The following PROM1 variants were observed in gnomAD, a reference collection of about 807,000 sequenced individuals.
PROM1 encodes prominin-1.
In PROM1, 105 loss-of-function variants were observed where a neutral mutation model predicts 116.9. The observed-to-expected ratio is 0.90, with a 90% CI of 0.77 to 1.06. The LOEUF (loss-of-function observed/expected upper bound fraction) is 1.06, where lower values mean the gene tolerates loss of function less well. Ranked by LOEUF, PROM1 falls within the 50% of genes least tolerant of loss-of-function variation. The probability of loss-of-function intolerance (pLI) is 0.00; values close to 1 mark genes in which losing one functional copy is unlikely to be tolerated. For synonymous variants in PROM1, 393 were observed against 387.0 expected, an observed-to-expected ratio of 1.02 and a Z score of -0.18; for missense variants, 1,122 against 1,045.2, an observed-to-expected ratio of 1.07 and a Z score of -1.01.
chr4:16,066,415 A>G (rs981548095), intron 2 of PROM1, among the ~76,000 whole-genome samples: 4 of 152,234 alleles, frequency 2.6e-5, no homozygotes, highest in East Asian at 1.9e-4. Flanking sequence ...AGGTACTATT[A>G]TTATCATTTC....
intron 2 of PROM1, among the ~76,000 whole-genome samples, chr4:16,046,940 G>A (rs1736687575): frequency 6.6e-6 from 1 of 152,192 alleles, no homozygotes; most frequent in Non-Finnish European, 1.5e-5. Context: ...CCCAAACACT[G>A]GGAATAACTG....
chr4:16,021,524 T>G (rs984995710), intron 8 of PROM1, among the ~76,000 whole-genome samples: 16 of 152,200 alleles, frequency 1.1e-4, no homozygotes, highest in African/African-American at 3.4e-4. Context: ...TACAACCCAG[T>G]TAATATGTTA....
At chr4:16,079,088 GGT>G (rs1027321354) in intron 1 of PROM1, among the ~76,000 whole-genome samples, 2 of 63,280 alleles carry the variant, frequency 3.2e-5, no homozygotes, top group African/African-American at 5.7e-5. Flanking sequence ...ACTTTATCTT[GGT>G]TTTTTTTTTT....
intron 11 of PROM1, among the ~76,000 whole-genome samples, chr4:16,012,938 A>G (rs1451002459): frequency 1.3e-5 from 2 of 151,828 alleles, no homozygotes; most frequent in South Asian, 2.1e-4. Context: ...AATAATCTAC[A>G]GTTTTTCTCT....
At chr4:16,028,786 C>T (rs886314180) in intron 5 of PROM1, among the ~76,000 whole-genome samples, 6 of 152,146 alleles carry the variant, frequency 3.9e-5, no homozygotes, top group African/African-American at 1.4e-4. Context: ...ACATAAATGC[C>T]TTTAAACAAT....
At position 15,968,978 on chromosome 4, in the gene PROM1, T is replaced by C. The variant is rs1320696365; in HGVS notation, c.*415A>G. The C allele has an allele frequency of 6.6e-6, 1 of 152,212 alleles. No individual in the cohort carries two copies. The highest frequency in any genetic ancestry group is 6.6e-5 in the Admixed American group (1 of 15,266). 9.4% of individuals were successfully genotyped at this position (152,212 alleles called of 1,614,324 possible). Reference sequence around the variant, plus strand: ...CCGTTTACTGTACACAAAATGCATCTTTCCTGTAAACTGGTGTGTGTTCAG... The same window carrying C: ...CCGTTTACTGTACACAAAATGCATCCTTCCTGTAAACTGGTGTGTGTTCAG... On this transcript the variant is annotated 3_prime_UTR_variant, in exon 28 of 28. Transcript: ENST00000447510.
At chr4:16,068,616 C>T (rs568479923) in intron 2 of PROM1, among the ~76,000 whole-genome samples, 23 of 152,304 alleles carry the variant, frequency 1.5e-4, no homozygotes, top group East Asian at 9.6e-4. Flanking sequence ...GGACTCACTG[C>T]GACATTTATT....
intron 1 of PROM1, among the ~76,000 whole-genome samples, chr4:16,076,908 T>C (rs888598145): frequency 1.3e-5 from 2 of 152,262 alleles, no homozygotes; most frequent in African/African-American, 4.8e-5. Flanking sequence ...TTAAGAGTCA[T>C]CACCACTCCC....
rs192623811 is a variant in PROM1, at chr4:16,070,828, G to A, written c.220+4859C>T. ...CAAAAGTGAAGGGACTGTTTCTTAC[G>A]AGGCAATGCCATGTAGAATGTTCCT... On this transcript the variant is annotated intron_variant, in intron 2 of 27. Transcript: ENST00000447510. 3.2e-4 allele frequency among the ~76,000 whole-genome samples: 48 copies of A among 152,260 alleles called. 1 individual carries two copies. The East Asian group carries it at 7.9e-3, about 25-fold the overall frequency.
chr4:16,010,768 T>C (rs533959159), intron 11 of PROM1, among the ~76,000 whole-genome samples: 2 of 152,324 alleles, frequency 1.3e-5, no homozygotes, highest in South Asian at 2.1e-4. Flanking sequence ...CCCAAAGTGC[T>C]GGGATTATAG....
At chr4:16,055,382 C>G (rs759190483) in intron 2 of PROM1, 64 of 456,082 alleles carry the variant, frequency 1.4e-4, no homozygotes, top group South Asian at 9.8e-4. Context: ...CGTTATCCTA[C>G]CAGCTCTCAT....
chr4:16,077,670 C>A (rs1578343668), intron 1 of PROM1, among the ~76,000 whole-genome samples: 1 of 152,292 alleles, frequency 6.6e-6, no homozygotes, highest in South Asian at 2.1e-4. Context: ...CACTAGTTTG[C>A]CTTCAAAGTC....
intron 2 of PROM1, among the ~76,000 whole-genome samples, chr4:16,050,616 A>G (rs999195177): frequency 6.6e-6 from 1 of 152,196 alleles, no homozygotes; most frequent in Non-Finnish European, 1.5e-5. Context: ...GGCCTCCCGA[A>G]AAGTGCTGAG....
rs761507738 is a variant in PROM1 at position 16,006,693 on chromosome 4, G to A, written c.1302-3C>T. On this transcript the variant is annotated splice_region_variant and splice_polypyrimidine_tract_variant and intron_variant, in intron 12 of 27. Coordinates refer to ENST00000447510, the MANE Select transcript of PROM1 (RefSeq NM_006017.3). ...AGATGACCAGGCCACCCAGCCACCT[G>A]GAGAGGCAAGCACAGTGTTAGTATA... 3 of 1,612,480 alleles carry A rather than the reference G, an allele frequency of 1.9e-6. No homozygotes were observed. Among genetic ancestry groups the A allele is most frequent in the Non-Finnish European group, 2.5e-6 (3 of 1,179,408 alleles).
At chr4:16,034,076 A>G (rs1370661245) in intron 4 of PROM1, among the ~76,000 whole-genome samples, 1 of 152,108 alleles carries the variant, frequency 6.6e-6, no homozygotes, top group Non-Finnish European at 1.5e-5. Context: ...TTTAATTTTA[A>G]CCCCAAAGGT....
chr4:16,049,929 T>C (rs1737457744), intron 2 of PROM1, among the ~76,000 whole-genome samples: 1 of 152,008 alleles, frequency 6.6e-6, no homozygotes, highest in Non-Finnish European at 1.5e-5. Flanking sequence ...GTGTAAAGCA[T>C]CCATTATTTC....
chr4:16,032,620 ACTGC>A (rs1332476475), intron 5 of PROM1, among the ~76,000 whole-genome samples: 1 of 152,300 alleles, frequency 6.6e-6, no homozygotes, highest in East Asian at 1.9e-4. Context: ...ACAAGGGAAC[ACTGC>A]TGTGGCGCAC....
chr4:16,002,495 A>G (rs555341719), intron 13 of PROM1, among the ~76,000 whole-genome samples: 1 of 152,328 alleles, frequency 6.6e-6, no homozygotes, highest in South Asian at 2.1e-4. Flanking sequence ...TCACCACAGC[A>G]TCCCCTCCTA....
At chr4:16,080,258 A>C (rs1236205846) in intron 1 of PROM1, among the ~76,000 whole-genome samples, 1 of 151,822 alleles carries the variant, frequency 6.6e-6, no homozygotes, top group Non-Finnish European at 1.5e-5. Flanking sequence ...TGGTGGCTCA[A>C]GCCTGTAATC....
Sources: allele counts gnomAD v4.1 joint callset (sites outside exome capture counted in the v4.1 genomes callset), GRCh38; gene constraint gnomAD v4.1.1; transcripts MANE v1.5; gene names NCBI Gene and HGNC (gene_info 2026-07-23, HGNC 2026-07-21).